The following PI4KB variants were observed in gnomAD, a reference collection of about 807,000 sequenced individuals.
PI4KB encodes phosphatidylinositol 4-kinase beta.
Under a neutral mutation model 81.4 loss-of-function variants are expected in PI4KB, and 23 were observed. The ratio of observed to expected loss-of-function variants is 0.28; its 90% CI spans 0.20 to 0.40. The LOEUF (loss-of-function observed/expected upper bound fraction) is 0.40, where lower values mean the gene tolerates loss of function less well. PI4KB is among the 10% of genes least tolerant of loss of function. The pLI is 1.00. For synonymous variants in PI4KB, 381 were observed against 406.8 expected (o/e 0.94, Z 0.76); for missense variants, 651 against 1,036.6 (o/e 0.63, Z 5.11).
chr1:151,314,752 G>A lies in PI4KB; in HGVS notation c.909+821C>T, dbSNP rs1380667501. On this transcript the variant is annotated intron_variant, in intron 2 of 11. Transcript: ENST00000368873. ...CAACAAAAGGTAGGATCTTCAGAGG[G>A]TAGTGAAAAGGGATTAGATTATGAG... Among the ~76,000 whole-genome samples, 3 of 152,174 alleles carry A rather than the reference G, an allele frequency of 2.0e-5. No homozygotes were observed. The East Asian group carries it at 5.8e-4, about 29-fold the overall frequency.
chr1:151,310,371 T>C (rs1696124792), intron 2 of PI4KB, 116 bp from the exon 3 acceptor site: 1 of 675,236 alleles, frequency 1.5e-6, no homozygotes, highest in Non-Finnish European at 2.6e-6. Flanking sequence ...AGTGAAGTTC[T>C]ACCTTTCTGC....
In PI4KB at chr1:151,306,245, T is replaced by A. The variant is rs776558471; in HGVS notation, c.1301A>T (p.Glu434Val). The A allele has an allele frequency of 6.2e-7, 1 of 1,614,134 alleles. No homozygotes were observed. Residue 434 changes from glutamate to valine, a missense_variant, in exon 5 of 12, where the codon GAA (glutamate) becomes GTA (valine). Glu to Val is a moderately radical substitution (Grantham distance 121, BLOSUM62 -2). This residue lies in a region of PI4KB where 246 missense variants were observed against 430.1 expected (regional missense o/e 0.57). Transcript: ENST00000368873. ...TCGCTGCTCATGGGTAATACCACATTCGGGCAAGTTTTCTACGGACCTCGT... is the reference window on the plus strand; with the variant it reads ...TCGCTGCTCATGGGTAATACCACATACGGGCAAGTTTTCTACGGACCTCGT... ...RSTRSVENLP[E>V]CGITHEQRAG...
chr1:151,295,694 A>G (rs920451706), intron 9 of PI4KB, among the ~76,000 whole-genome samples: 1 of 152,248 alleles, frequency 6.6e-6, no homozygotes, highest in East Asian at 1.9e-4. Context: ...TGGCTCGACT[A>G]TATCTATTCT....
At chr1:151,309,407 A>G (rs1022273920) in intron 3 of PI4KB, among the ~76,000 whole-genome samples, 3 of 152,208 alleles carry the variant, frequency 2.0e-5, no homozygotes, top group Non-Finnish European at 4.4e-5. Context: ...ACATGAGAGG[A>G]GATAGGAATC....
At chr1:151,302,342 C>T (rs1440129580) in intron 6 of PI4KB, 44 bp from the exon 7 acceptor site, 1 of 1,353,914 alleles carries the variant, frequency 7.4e-7, no homozygotes, top group African/African-American at 1.4e-5. Context: ...AAGCTACCCC[C>T]AAGCCCCATG....
intron 1 of PI4KB, among the ~76,000 whole-genome samples, chr1:151,326,955 T>C (rs28524489): frequency 6.6e-6 from 1 of 151,816 alleles, no homozygotes; most frequent in Admixed American, 6.6e-5. Flanking sequence ...ATGGGCATTA[T>C]GGGAGTCGTC....
chr1:151,326,930 C>T (rs1649695122), intron 1 of PI4KB, among the ~76,000 whole-genome samples: 1 of 151,622 alleles, frequency 6.6e-6, no homozygotes, highest in Non-Finnish European at 1.5e-5. Context: ...GCAGAGACGA[C>T]GAGGAAGGAC....
At chr1:151,299,116 A>C in intron 8 of PI4KB, 43 bp from the exon 9 acceptor site, 1 of 1,573,638 alleles carries the variant, frequency 6.4e-7, no homozygotes, top group Non-Finnish European at 8.7e-7. Context: ...ATCTTTCTCC[A>C]AACTAGAGAA....
chr1:151,327,627 G>A (rs1649853314), upstream of PI4KB: 3 of 376,680 alleles, frequency 8.0e-6, no homozygotes, highest in East Asian at 3.8e-5. Flanking sequence ...CTTCCCCAGC[G>A]GTCAGGACCC....
chr1:151,296,460 T>C (rs1003072219), intron 9 of PI4KB, among the ~76,000 whole-genome samples: 1 of 151,548 alleles, frequency 6.6e-6, no homozygotes, highest in Non-Finnish European at 1.5e-5. Flanking sequence ...CAGAACTTAA[T>C]AGATGCTAGA....
chr1:151,314,200 C>T lies in PI4KB; in HGVS notation c.909+1373G>A, dbSNP rs79291975. ...GAAAGAAGTCCCATTGTATCAAAAA[C>T]GTGGGTGGGTTATATGCCCCACAGA... On this transcript the variant is annotated intron_variant, in intron 2 of 11. Coordinates refer to ENST00000368873, the MANE Select transcript of PI4KB (RefSeq NM_001369623.2). Among the ~76,000 whole-genome samples the T allele has an allele frequency of 5.0e-3, 758 of 152,350 alleles. 8 individuals are homozygous for T. Among genetic ancestry groups the T allele is most frequent in the African/African-American group, 0.017 (703 of 41,590 alleles).
At chr1:151,322,514 C>T (rs950731366) in intron 1 of PI4KB, among the ~76,000 whole-genome samples, 5 of 152,154 alleles carry the variant, frequency 3.3e-5, no homozygotes, top group African/African-American at 9.7e-5. Flanking sequence ...AATCAATCCC[C>T]TCACCCAGTT....
intron 8 of PI4KB, among the ~76,000 whole-genome samples, chr1:151,299,448 A>T (rs1418903367): frequency 6.6e-6 from 1 of 152,132 alleles, no homozygotes; most frequent in African/African-American, 2.4e-5. Flanking sequence ...CTGGGAGACC[A>T]AGGAGGGCGG....
intron 1 of PI4KB, among the ~76,000 whole-genome samples, chr1:151,324,403 C>T (rs997782606): frequency 6.6e-6 from 1 of 152,206 alleles, no homozygotes; most frequent in African/African-American, 2.4e-5. Context: ...ACTCATCTCT[C>T]CCCTTTGACC....
At position 151,292,782 on chromosome 1, in the gene PI4KB, G is replaced by A. The variant is rs1184395652; in HGVS notation, c.*70C>T. On this transcript the variant is annotated 3_prime_UTR_variant, in exon 12 of 12. Transcript: ENST00000368873. ...GGGTAGGTGGGGTTTCCTGGTTTGG[G>A]GTTTCTCAGACAAGGGCCCTCTAGG... 2.1e-6 allele frequency: 3 copies of A among 1,427,152 alleles called. No individual in the cohort carries two copies. Among genetic ancestry groups the A allele is most frequent in the East Asian group, 4.6e-5 (2 of 43,236 alleles). 88.4% of individuals were successfully genotyped at this position (1,427,152 alleles called of 1,614,324 possible). A position where few individuals can be genotyped will look rare whatever the true frequency, so the allele number is the denominator to read the frequency against.
chr1:151,297,329 C>T (rs772796186), intron 9 of PI4KB, among the ~76,000 whole-genome samples: 11 of 151,404 alleles, frequency 7.3e-5, no homozygotes, highest in Non-Finnish European at 1.6e-4. Flanking sequence ...ATCCTCCTGC[C>T]TCGGCCTTGT....
At position 151,307,560 on chromosome 1, in the gene PI4KB, C is replaced by T; in HGVS notation, c.1182+14G>A. On this transcript the variant is annotated intron_variant, in intron 4 of 11. Transcript: ENST00000368873. ...TCACGTCCAGGGTAGGGGTTTGGGC[C>T]AGAACCCATCTACCTTGTCCTTGGA... 6.3e-7 allele frequency: 1 copy of T among 1,587,356 alleles called. No individual in the cohort carries two copies. Among genetic ancestry groups the T allele is most frequent in the South Asian group, 1.1e-5 (1 of 90,468 alleles).
At chr1:151,326,853 T>C (rs963265358) in intron 1 of PI4KB, among the ~76,000 whole-genome samples, 2 of 151,498 alleles carry the variant, frequency 1.3e-5, no homozygotes, top group Non-Finnish European at 2.9e-5. Flanking sequence ...CACAGGGACA[T>C]AGGAGGAAAA....
chr1:151,325,921 A>G (rs1649543171), intron 1 of PI4KB, among the ~76,000 whole-genome samples: 1 of 152,202 alleles, frequency 6.6e-6, no homozygotes, highest in Non-Finnish European at 1.5e-5. Flanking sequence ...CAAGTGAGGA[A>G]GTCACATGCT....
Sources: gnomAD v4.1 joint callset for allele counts (sites outside exome capture counted in the v4.1 genomes callset) on GRCh38, gnomAD v4.1.1 for gene constraint, gnomAD v4.1.1 regional missense constraint, MANE v1.5 for transcripts, NCBI Gene and HGNC (gene_info 2026-07-23, HGNC 2026-07-21) for gene names.